Variants in DCP1B observed in about 807,000 individuals in gnomAD.
DCP1B encodes mRNA-decapping enzyme 1B.
In DCP1B, 47 loss-of-function variants were observed where a neutral mutation model predicts 60.5. That is an observed-to-expected ratio of 0.78 (90% CI 0.61 to 0.99). DCP1B has a LOEUF of 0.99. Ranked by LOEUF, DCP1B falls within the 50% of genes least tolerant of loss-of-function variation. The pLI is 0.00. For missense variants in DCP1B, 725 were observed against 756.8 expected (o/e 0.96, Z 0.49); for synonymous variants, 267 against 280.3 (o/e 0.95, Z 0.47).
rs2470449 is a variant in DCP1B at position 1,953,038 on chromosome 12, C to T, written c.902G>A (p.Ser301Asn). ...CTCTGACAATGGGTGGAGGTCTGCG[C>T]TCCTGACCATGAGTTTCTGAATGGC... is the stretch of plus-strand genomic sequence containing the variant. ...CPAIQKLMVR[S>N]ADLHPLSELP... is the part of the protein sequence containing the mutation. Residue 301 changes from serine to asparagine, a missense_variant, in exon 7 of 9, where the codon AGC (serine) becomes AAC (asparagine). Transcript: ENST00000280665. 1 of 1,614,170 alleles carries T rather than the reference C, an allele frequency of 6.2e-7. No individual in the cohort carries two copies. Among genetic ancestry groups the T allele is most frequent in the South Asian group, 1.1e-5 (1 of 91,082 alleles).
intron 1 of DCP1B, among the ~76,000 whole-genome samples, chr12:2,001,082 T>C (rs1458902557): frequency 6.6e-6 from 1 of 151,822 alleles, no homozygotes; most frequent in Non-Finnish European, 1.5e-5. Flanking sequence ...ACTACTCAGA[T>C]CTTTTGATGA....
At chr12:1,967,993 A>T in intron 3 of DCP1B, 83 bp from the exon 4 acceptor site, 1 of 1,022,072 alleles carries the variant, frequency 9.8e-7, no homozygotes, top group Non-Finnish European at 1.5e-6. Context: ...TCTTAAATAC[A>T]TAATAATCTA....
At chr12:1,992,627 C>T (rs577447703) in intron 3 of DCP1B, 11 of 158,824 alleles carry the variant, frequency 6.9e-5, no homozygotes, top group East Asian at 1.9e-4. Context: ...CAGTGCAACA[C>T]AAGTGGTCAG....
chr12:1,989,841 G>A (rs113126177), intron 3 of DCP1B, among the ~76,000 whole-genome samples: 4,177 of 152,308 alleles, frequency 0.027, 97 homozygotes, highest in Middle Eastern at 0.054. Flanking sequence ...AACACAGTAA[G>A]TGATTACTAT....
chr12:1,985,985 T>TA (rs2037591451), intron 3 of DCP1B, among the ~76,000 whole-genome samples: 1 of 152,084 alleles, frequency 6.6e-6, no homozygotes, highest in South Asian at 2.1e-4. Flanking sequence ...TAATTTTGTT[T>TA]TGTATTTTTA....
At chr12:1,993,446 A>G in intron 2 of DCP1B, 55 bp from the exon 3 acceptor site, 5 of 1,581,098 alleles carry the variant, frequency 3.2e-6, no homozygotes, top group East Asian at 2.2e-5. Context: ...TTAGTATGCT[A>G]TATTTTCAGT....
chr12:1,995,877 C>T (rs1038651806), intron 2 of DCP1B, among the ~76,000 whole-genome samples: 1 of 152,112 alleles, frequency 6.6e-6, no homozygotes, highest in Non-Finnish European at 1.5e-5. Flanking sequence ...CATCTCCAGC[C>T]CTGCCCTTAC....
chr12:1,975,124 GTTTC>G (rs895704590), intron 3 of DCP1B, among the ~76,000 whole-genome samples: 62 of 152,232 alleles, frequency 4.1e-4, no homozygotes, highest in African/African-American at 7.2e-4. Flanking sequence ...AAAAGTCAGA[GTTTC>G]TTTATTTTTT....
chr12:1,965,674 A>G lies in DCP1B; in HGVS notation c.406T>C (p.Leu136=). ...GCTCCAGTTCCCTGATGGGCTTTCA[A>G]CTGTTCATACTGAGTTAGGCTAGAA... ...LMKNLTQYEQ[L]KAHQGTGAGI... The change falls in exon 5 of 9, where the codon TTG becomes CTG. Residue 136 remains leucine, a synonymous_variant. Coordinates refer to ENST00000280665, the MANE Select transcript of DCP1B (RefSeq NM_152640.5). 1 of 1,611,812 alleles carries G rather than the reference A, an allele frequency of 6.2e-7. No homozygotes were observed. Among genetic ancestry groups the G allele is most frequent in the Non-Finnish European group, 8.5e-7 (1 of 1,179,242 alleles).
chr12:1,985,912 G>C (rs761829854), intron 3 of DCP1B, among the ~76,000 whole-genome samples: 2 of 152,044 alleles, frequency 1.3e-5, no homozygotes, highest in African/African-American at 2.4e-5. Context: ...CTGGGTTCAC[G>C]CCATTCTCCT....
At chr12:1,965,122 T>G (rs1316556435) in intron 5 of DCP1B, among the ~76,000 whole-genome samples, 1 of 152,204 alleles carries the variant, frequency 6.6e-6, no homozygotes, top group African/African-American at 2.4e-5. Context: ...CAACAGGGTG[T>G]ATATTTCCAT....
At chr12:1,963,308 G>A (rs2031186758) in intron 5 of DCP1B, among the ~76,000 whole-genome samples, 1 of 152,168 alleles carries the variant, frequency 6.6e-6, no homozygotes, top group African/African-American at 2.4e-5. Context: ...GTGTCTTTAA[G>A]TTCTATTATT....
chr12:1,996,628 A>C (rs1393546174), intron 2 of DCP1B, among the ~76,000 whole-genome samples: 9 of 65,324 alleles, frequency 1.4e-4, no homozygotes, highest in African/African-American at 6.1e-4. Context: ...AAAAAAAAAA[A>C]AAAAAAAAAA....
chr12:1,952,824 AC>A lies in DCP1B; in HGVS notation c.1115del (p.Ser372IlefsTer11). ...TPGAANKCDP[S>X]TPAPASSAAL... ...CAGCTGAGCTGGCAGGTGCTGGTGT[AC>A]TAGGGTCACACTTGTTTGCTGCCCC... On this transcript the variant is annotated frameshift_variant, in exon 7 of 9. Transcript: ENST00000280665. LOFTEE classifies it high-confidence loss of function. 4 of 1,614,160 alleles carry A rather than the reference AC, an allele frequency of 2.5e-6. No individual in the cohort carries two copies. Among genetic ancestry groups the A allele is most frequent in the Non-Finnish European group, 3.4e-6 (4 of 1,180,038 alleles).
intron 4 of DCP1B, 36 bp from the exon 5 acceptor site, chr12:1,965,729 G>C (rs771578299): frequency 6.3e-7 from 1 of 1,585,668 alleles, no homozygotes; most frequent in Non-Finnish European, 8.6e-7. Context: ...CACAAGAAAA[G>C]CCAATTCAAC....
intron 3 of DCP1B, among the ~76,000 whole-genome samples, chr12:1,987,209 T>C (rs2038055620): frequency 6.6e-6 from 1 of 152,262 alleles, no homozygotes; most frequent in African/African-American, 2.4e-5. Context: ...TTGGCCTCTA[T>C]ACAGTTTTAT....
At chr12:2,000,496 A>G (rs1593402976) in intron 1 of DCP1B, among the ~76,000 whole-genome samples, 1 of 152,090 alleles carries the variant, frequency 6.6e-6, no homozygotes, top group East Asian at 1.9e-4. Context: ...TTAATGCCAC[A>G]TTTTAGTTTT....
At chr12:1,973,050 T>G (rs935478372) in intron 3 of DCP1B, among the ~76,000 whole-genome samples, 7 of 152,250 alleles carry the variant, frequency 4.6e-5, no homozygotes, top group African/African-American at 9.6e-5. Flanking sequence ...AATGCTTTCC[T>G]CCGGCATGTT....
downstream of DCP1B, among the ~76,000 whole-genome samples, chr12:1,941,689 T>A (rs146517907): frequency 6.1e-3 from 924 of 152,340 alleles, 16 homozygotes; most frequent in African/African-American, 0.021. Flanking sequence ...GACGTCCTTT[T>A]TGTTAATGTT....
Sources: gnomAD v4.1 joint callset for allele counts (sites outside exome capture counted in the v4.1 genomes callset) on GRCh38, gnomAD v4.1.1 for gene constraint, MANE v1.5 for transcripts, NCBI Gene and HGNC (gene_info 2026-07-23, HGNC 2026-07-21) for gene names.